The following PRKCH variants were observed in gnomAD, a reference collection of about 807,000 sequenced individuals.
PRKCH encodes protein kinase C eta.
In PRKCH, 28 loss-of-function variants were observed where a neutral mutation model predicts 82.5. The ratio of observed to expected loss-of-function variants is 0.34; its 90% CI spans 0.25 to 0.47. PRKCH has a LOEUF of 0.47. PRKCH is among the 20% of genes least tolerant of loss of function. The pLI, the probability that PRKCH is intolerant of heterozygous loss-of-function variation, is 1.00. For missense variants in PRKCH, 705 were observed against 881.8 expected (o/e 0.80, Z 2.54); for synonymous variants, 322 against 327.4 (o/e 0.98, Z 0.18).
chr14:61,351,378 G>A (rs1398343243), intron 1 of PRKCH, among the ~76,000 whole-genome samples: 3 of 152,192 alleles, frequency 2.0e-5, no homozygotes, highest in Non-Finnish European at 4.4e-5. Flanking sequence ...AGAGATGGGC[G>A]AGGAGTGCAG....
intron 12 of PRKCH, chr14:61,537,480 T>C (rs1019307009): frequency 3.3e-5 from 5 of 152,204 alleles, no homozygotes; most frequent in Admixed American, 3.3e-4. Flanking sequence ...AAGTCTATCA[T>C]TTTTTTAGGG....
In PRKCH at chr14:61,466,949, G is replaced by GA. The variant is rs144665707; in HGVS notation, c.1278+9273dup. On this transcript the variant is annotated intron_variant, in intron 9 of 13. Transcript: ENST00000332981. ...AGGTCAGAATATCTTGGAATCTTGT[G>GA]AAATAAATGCCATCGCTGCATACAT... is the stretch of plus-strand genomic sequence containing the variant. Among the ~76,000 whole-genome samples the GA allele has an allele frequency of 3.3e-5, 5 of 152,290 alleles. No homozygotes were observed. The East Asian group carries it at 9.6e-4, about 29-fold the overall frequency.
intron 9 of PRKCH, among the ~76,000 whole-genome samples, chr14:61,471,241 T>C (rs1273094806): frequency 8.1e-6 from 1 of 123,724 alleles, no homozygotes; most frequent in Non-Finnish European, 1.8e-5. Flanking sequence ...ACTAAGGAGG[T>C]ACACCTGATA....
chr14:61,518,109 G>A (rs1033357953), intron 10 of PRKCH, among the ~76,000 whole-genome samples: 4 of 152,244 alleles, frequency 2.6e-5, no homozygotes, highest in Non-Finnish European at 5.9e-5. Context: ...TCAGGTCCAA[G>A]TGTACTGTTG....
chr14:61,280,000 G>C, intron 1 of PRKCH: 1 of 1,112,880 alleles, frequency 9.0e-7, no homozygotes, highest in Non-Finnish European at 1.3e-6. Context: ...AGCTAGGCGA[G>C]GTTGGAATTG....
intron 1 of PRKCH, among the ~76,000 whole-genome samples, chr14:61,374,381 C>T (rs1228133831): frequency 6.6e-6 from 1 of 152,134 alleles, no homozygotes; most frequent in African/African-American, 2.4e-5. Context: ...TCCCACAGCT[C>T]CACTAGGTAG....
chr14:61,510,744 A>T (rs1887343585), intron 10 of PRKCH, among the ~76,000 whole-genome samples: 1 of 152,100 alleles, frequency 6.6e-6, no homozygotes, highest in Non-Finnish European at 1.5e-5. Flanking sequence ...CAAGCAGGGC[A>T]ACTGTGCACA....
At chr14:61,478,007 G>T (rs1486274300) in intron 9 of PRKCH, among the ~76,000 whole-genome samples, 1 of 152,226 alleles carries the variant, frequency 6.6e-6, no homozygotes, top group Admixed American at 6.5e-5. Flanking sequence ...TCACTGCCAC[G>T]TGTGCCACAG....
intron 4 of PRKCH, among the ~76,000 whole-genome samples, chr14:61,447,496 C>T (rs972416676): frequency 2.6e-5 from 4 of 152,152 alleles, no homozygotes; most frequent in African/African-American, 9.7e-5. Flanking sequence ...TCACATTCTT[C>T]TCGGGCTCAC....
intron 9 of PRKCH, among the ~76,000 whole-genome samples, chr14:61,464,355 T>C (rs1188829020): frequency 6.6e-6 from 1 of 152,184 alleles, no homozygotes; most frequent in African/African-American, 2.4e-5. Flanking sequence ...GTTGGCCATT[T>C]GTGTGTGTGG....
In PRKCH at chr14:61,498,276, G is replaced by A. The variant is rs1172407846; in HGVS notation, c.1433+12620G>A. The stretch of plus-strand genomic sequence containing the variant: ...TGATCCCCTACCTGGGCTTCACAAA[G>A]TGCTGGGATTACAGGCATGAGCCAC... On this transcript the variant is annotated intron_variant, in intron 10 of 13. Coordinates refer to ENST00000332981, the MANE Select transcript of PRKCH (RefSeq NM_006255.5). 2.0e-5 allele frequency among the ~76,000 whole-genome samples: 3 copies of A among 152,148 alleles called. No homozygotes were observed. The South Asian group carries it at 6.2e-4, about 31-fold the overall frequency.
At chr14:61,386,840 C>T (rs2046595365) in intron 1 of PRKCH, among the ~76,000 whole-genome samples, 1 of 152,198 alleles carries the variant, frequency 6.6e-6, no homozygotes, top group Non-Finnish European at 1.5e-5. Context: ...GACCTATTCT[C>T]TTTGGCTGAC....
At chr14:61,377,535 T>C (rs752180) in intron 1 of PRKCH, among the ~76,000 whole-genome samples, 15,105 of 152,182 alleles carry the variant, frequency 0.099, 878 homozygotes, top group African/African-American at 0.11. Context: ...GATCTTTCTG[T>C]AAAGGGCCAG....
intron 1 of PRKCH, among the ~76,000 whole-genome samples, chr14:61,241,253 C>T (rs188039309): frequency 2.0e-4 from 30 of 152,292 alleles, no homozygotes; most frequent in Admixed American, 1.8e-3. Flanking sequence ...TTTCCATGTC[C>T]TCTCTGGGTG....
intron 7 of PRKCH, among the ~76,000 whole-genome samples, chr14:61,455,910 A>G (rs929342866): frequency 2.0e-5 from 3 of 152,194 alleles, no homozygotes; most frequent in Admixed American, 6.5e-5. Flanking sequence ...CTTACCTTCC[A>G]TTCATTGTGT....
intron 12 of PRKCH, among the ~76,000 whole-genome samples, chr14:61,537,253 A>C (rs1396358012): frequency 1.3e-5 from 2 of 152,238 alleles, no homozygotes; most frequent in Non-Finnish European, 2.9e-5. Flanking sequence ...GAGTATTCAC[A>C]CTGGCAGGAT....
intron 7 of PRKCH, among the ~76,000 whole-genome samples, chr14:61,454,107 CT>C (rs753250068): frequency 2.8e-5 from 4 of 144,600 alleles, no homozygotes; most frequent in African/African-American, 5.1e-5. Context: ...TTTCTTTTTT[CT>C]TTTTTCTATT....
chr14:61,514,329 A>AAG (rs1424483476), intron 10 of PRKCH, among the ~76,000 whole-genome samples: 1 of 151,610 alleles, frequency 6.6e-6, no homozygotes, highest in East Asian at 1.9e-4. Flanking sequence ...AAAAAAAAAA[A>AAG]AAAAGGAACA....
intron 1 of PRKCH, among the ~76,000 whole-genome samples, chr14:61,342,132 AGCCTTTCCTACGTG>A (rs2045937052): frequency 6.6e-6 from 1 of 152,006 alleles, no homozygotes; most frequent in Non-Finnish European, 1.5e-5. Flanking sequence ...GGAAGGGCAG[AGCCTTTCCTACGTG>A]GCCAACTCTG....
Sources: gnomAD v4.1 joint callset for allele counts (sites outside exome capture counted in the v4.1 genomes callset) on GRCh38, gnomAD v4.1.1 for gene constraint, MANE v1.5 for transcripts, NCBI Gene and HGNC (gene_info 2026-07-23, HGNC 2026-07-21) for gene names.